The following YY1 variants were observed in gnomAD, a reference collection of about 807,000 sequenced individuals.
YY1 encodes YY1 transcription factor.
A neutral mutation model predicts 35.6 loss-of-function variants in YY1; 2 were observed. The observed-to-expected ratio is 0.06, with a 90% CI of 0.02 to 0.18. The LOEUF is 0.18. YY1 is among the 10% of genes least tolerant of loss of function. YY1 has a pLI of 1.00. For synonymous variants in YY1, 268 were observed against 238.9 expected (o/e 1.12, Z -1.12); for missense variants, 322 against 573.4 (o/e 0.56, Z 4.48).
At chr14:100,267,774 G>A (rs553524450) in intron 2 of YY1, among the ~76,000 whole-genome samples, 2 of 152,180 alleles carry the variant, frequency 1.3e-5, no homozygotes, top group South Asian at 2.1e-4. Flanking sequence ...CACCCACCTC[G>A]GCCTCCCAAA....
chr14:100,253,937 T>G (rs1248633744), intron 1 of YY1, among the ~76,000 whole-genome samples: 3 of 152,152 alleles, frequency 2.0e-5, no homozygotes, highest in Non-Finnish European at 4.4e-5. Context: ...TTCTAGCAGT[T>G]CTCCTGCCTT....
chr14:100,254,125 C>T (rs1441518728), intron 1 of YY1, among the ~76,000 whole-genome samples: 1 of 152,140 alleles, frequency 6.6e-6, no homozygotes, highest in African/African-American at 2.4e-5. Flanking sequence ...CGTGAGCCAC[C>T]ACACATGGCC....
At chr14:100,246,106 G>A (rs904464142) in intron 1 of YY1, among the ~76,000 whole-genome samples, 1 of 152,204 alleles carries the variant, frequency 6.6e-6, no homozygotes, top group African/African-American at 2.4e-5. Flanking sequence ...ATTCGGAGCA[G>A]AAGTTGCATT....
chr14:100,261,788 G>C (rs971528591), intron 1 of YY1, among the ~76,000 whole-genome samples: 1 of 152,202 alleles, frequency 6.6e-6, no homozygotes, highest in African/African-American at 2.4e-5. Context: ...TGAAGGCTAT[G>C]AAATCAGATT....
At chr14:100,256,730 C>T (rs79521390) in intron 1 of YY1, among the ~76,000 whole-genome samples, 2,527 of 152,044 alleles carry the variant, frequency 0.017, 84 homozygotes, top group African/African-American at 0.058. Context: ...GAGTTTTTTG[C>T]GGGAATGAAG....
chr14:100,276,718 T>C lies in YY1; in HGVS notation c.1062+70T>C. ...AACACTGCAAGTGTAGGTGGTGTGG[T>C]GATGAGGCAGGAGGCGCCAGCCCAG... On this transcript the variant is annotated intron_variant, in intron 4 of 4. Coordinates refer to ENST00000262238, the MANE Select transcript of YY1 (RefSeq NM_003403.5). The surrounding 1 kb of genome is among the most constrained non-coding windows in gnomAD (Gnocchi z 4.1). The C allele has an allele frequency of 6.2e-7, 1 of 1,609,782 alleles. No individual in the cohort carries two copies. The highest frequency in any genetic ancestry group is 8.5e-7 in the Non-Finnish European group (1 of 1,178,202).
Position 100,262,466 on chromosome 14 carries a change from G to A in YY1, c.842G>A (p.Arg281Lys). 1 of 1,614,020 alleles carries A rather than the reference G, an allele frequency of 6.2e-7. No individual in the cohort carries two copies. The highest frequency in any genetic ancestry group is 8.5e-7 in the Non-Finnish European group (1 of 1,179,970). ...SDPKQLAEFA[R>K]MKPRKIKEDD... is the part of the protein sequence containing the mutation. The stretch of plus-strand genomic sequence containing the variant: ...CCCAAACAACTGGCAGAATTTGCTA[G>A]GTAAGTTATAAGAACTTTCCTTTCT... Residue 281 changes from arginine to lysine, a missense_variant and splice_region_variant, in exon 2 of 5, where the codon AGA becomes AAA. Physicochemically the swap from Arg to Lys is conservative, Grantham distance 26. Transcript: ENST00000262238.
chr14:100,247,245 A>G (rs948233679), intron 1 of YY1, among the ~76,000 whole-genome samples: 2 of 152,252 alleles, frequency 1.3e-5, no homozygotes, highest in Non-Finnish European at 2.9e-5. Flanking sequence ...TTAGCAAAGC[A>G]GTTATTGCAA....
intron 1 of YY1, among the ~76,000 whole-genome samples, chr14:100,250,321 CCT>C (rs753865128): frequency 2.0e-5 from 3 of 152,116 alleles, no homozygotes; most frequent in South Asian, 2.1e-4. Context: ...TTAGCTCTCC[CCT>C]GTTTCAGTGA....
intron 1 of YY1, among the ~76,000 whole-genome samples, chr14:100,244,062 A>G (rs995706415): frequency 1.3e-5 from 2 of 151,014 alleles, no homozygotes; most frequent in Non-Finnish European, 3.0e-5. Flanking sequence ...GAGCCGAGAT[A>G]GCGCCACTGC....
intron 2 of YY1, among the ~76,000 whole-genome samples, chr14:100,273,745 C>G (rs1375041067): frequency 3.3e-5 from 5 of 152,042 alleles, no homozygotes; most frequent in African/African-American, 1.2e-4. Flanking sequence ...AAATCTGTTT[C>G]CGAGATTTAA....
intron 2 of YY1, among the ~76,000 whole-genome samples, chr14:100,269,350 T>A (rs1299481500): frequency 6.6e-6 from 1 of 152,170 alleles, no homozygotes; most frequent in Non-Finnish European, 1.5e-5. Flanking sequence ...AGTTACAGTT[T>A]GCTCAAGGTC....
intron 1 of YY1, among the ~76,000 whole-genome samples, chr14:100,256,788 T>C (rs554649074): frequency 6.6e-6 from 1 of 152,312 alleles, no homozygotes; most frequent in South Asian, 2.1e-4. Flanking sequence ...ATTCTGAATG[T>C]ATTAAATGGC....
chr14:100,246,192 CGTTTCCATTTCCATACATG>C (rs974701269), intron 1 of YY1, among the ~76,000 whole-genome samples: 6 of 152,194 alleles, frequency 3.9e-5, no homozygotes, highest in Non-Finnish European at 4.4e-5. Context: ...ACCCCCACCC[CGTTTCCATTTCCATACATG>C]GGTTTTGTGA....
Position 100,276,138 on chromosome 14 carries a change from G to A in YY1, c.904-352G>A. The A allele has an allele frequency of 2.9e-6, 1 of 340,690 alleles. No homozygotes were observed. The highest frequency in any genetic ancestry group is 2.5e-5 in the South Asian group (1 of 39,748). The allele number at this position is 340,690 out of a possible 1,614,324, so 21.1% of individuals were successfully genotyped here. A position where few individuals can be genotyped will look rare whatever the true frequency, so the allele number is the denominator to read the frequency against. On this transcript the variant is annotated intron_variant, in intron 3 of 4. Transcript: ENST00000262238. The surrounding 1 kb of genome is among the most constrained non-coding windows in gnomAD (Gnocchi z 4.1). Reference sequence around the variant, plus strand: ...AGCAGTGCTTCTGTTACTTCATTTTGGGGGACATAGTCGGGTGAGGTGGCT... The same window carrying A: ...AGCAGTGCTTCTGTTACTTCATTTTAGGGGACATAGTCGGGTGAGGTGGCT...
intron 1 of YY1, among the ~76,000 whole-genome samples, chr14:100,251,367 C>T (rs915866505): frequency 6.6e-6 from 1 of 152,210 alleles, no homozygotes; most frequent in Non-Finnish European, 1.5e-5. Flanking sequence ...GGACCAGATT[C>T]TCCACTAAAG....
intron 1 of YY1, among the ~76,000 whole-genome samples, chr14:100,257,922 C>G (rs755290009): frequency 7.2e-5 from 11 of 152,190 alleles, no homozygotes; most frequent in Middle Eastern, 3.4e-3. Flanking sequence ...ATTGCTTCAG[C>G]CCAGGAGTTC....
intron 1 of YY1, among the ~76,000 whole-genome samples, chr14:100,241,102 G>T (rs1360135882): frequency 6.6e-6 from 1 of 152,130 alleles, no homozygotes; most frequent in Non-Finnish European, 1.5e-5. Flanking sequence ...TTCAATGCTG[G>T]TTTTTTAGGT....
Position 100,240,497 on chromosome 14 carries a change from C to T in YY1, c.679+574C>T, listed in dbSNP as rs550974007. Among the ~76,000 whole-genome samples the T allele has an allele frequency of 1.3e-4, 19 of 148,868 alleles. 1 individual carries two copies. In the South Asian group the frequency reaches 3.9e-3, roughly 31 times the overall value. On this transcript the variant is annotated intron_variant, in intron 1 of 4. Transcript: ENST00000262238. ...CGGACTCCCAACTGCTCCCCGGTGGCACCTTCCAGAAGGAGGGGGCTTGGC... is the reference window on the plus strand; with the variant it reads ...CGGACTCCCAACTGCTCCCCGGTGGTACCTTCCAGAAGGAGGGGGCTTGGC...
Sources: allele counts gnomAD v4.1 joint callset (sites outside exome capture counted in the v4.1 genomes callset), GRCh38; gene constraint gnomAD v4.1.1; non-coding constraint Gnocchi (gnomAD v3.1); transcripts MANE v1.5; gene names NCBI Gene and HGNC (gene_info 2026-07-23, HGNC 2026-07-21).